The following ATRIP variants were observed in gnomAD, a reference collection of about 807,000 sequenced individuals.
The protein encoded by ATRIP is ATR interacting protein.
Under a neutral mutation model 78.1 loss-of-function variants are expected in ATRIP, and 44 were observed. The ratio of observed to expected loss-of-function variants is 0.56; its 90% confidence interval spans 0.44 to 0.72. The LOEUF is 0.72. ATRIP is among the 30% of genes least tolerant of loss of function. The probability of loss-of-function intolerance (pLI) is 0.00; values close to 1 mark genes in which losing one functional copy is unlikely to be tolerated. For missense variants in ATRIP, 927 were observed against 980.2 expected, an observed-to-expected ratio of 0.95 and a Z score of 0.72; for synonymous variants, 388 against 408.9, an observed-to-expected ratio of 0.95 and a Z score of 0.62.
At chr3:48,465,411 G>A (rs556531421) in intron 12 of ATRIP, 76 bp from the exon 13 acceptor site, 5 of 1,447,786 alleles carry the variant, frequency 3.5e-6, no homozygotes, top group African/African-American at 1.4e-5. Flanking sequence ...GCGGACGTTG[G>A]GGGAGGAGAG....
rs757659720 is a variant in ATRIP at position 48,464,660 on chromosome 3, G to C, written c.2053G>C (p.Glu685Gln). 6.2e-7 allele frequency: 1 copy of C among 1,614,182 alleles called. No homozygotes were observed. Among genetic ancestry groups the C allele is most frequent in the East Asian group, 2.2e-5 (1 of 44,884 alleles). The change falls in exon 11 of 13, where the codon GAG becomes CAG. Residue 685 changes from glutamate (E) to glutamine (Q), a missense_variant and splice_region_variant. Physicochemically the swap from Glu to Gln is conservative, Grantham distance 29. Coordinates refer to ENST00000320211, the MANE Select transcript of ATRIP (RefSeq NM_130384.3). The stretch of plus-strand genomic sequence containing the variant: ...TGGCTCCAACTGCCAGTGTAATGTG[G>C]AGGTGAGTGGGTAGGGGCCAACAGC... Reference protein sequence around the residue: ...VTGSNCQCNVEVVRALTVMLH... With the variant: ...VTGSNCQCNVQVVRALTVMLH...
chr3:48,465,060 T>TG lies in ATRIP; in HGVS notation c.2285_2286insG (p.Pro763SerfsTer2). The TG allele has an allele frequency of 6.2e-7, 1 of 1,612,146 alleles. No homozygotes were observed. Among genetic ancestry groups the TG allele is most frequent in the South Asian group, 1.1e-5 (1 of 91,046 alleles). On this transcript the variant is annotated frameshift_variant, in exon 12 of 13. Transcript: ENST00000320211. LOFTEE classifies it high-confidence loss of function. ...GGGGTCAGCATGCTCATCCGAGGGC[T>TG]TCCTGATGTGACGGACTGTGAAGGT...
chr3:48,455,235 T>C (rs1369752633), intron 4 of ATRIP, among the ~76,000 whole-genome samples: 1 of 152,192 alleles, frequency 6.6e-6, no homozygotes, highest in East Asian at 1.9e-4. Context: ...TTGTTCATAA[T>C]GGGCAGTGTG....
In ATRIP at chr3:48,459,389, C is replaced by T; in HGVS notation, c.860C>T (p.Ser287Phe). The change falls in exon 6 of 13, where the codon TCC becomes TTC. Residue 287 changes from serine (S) to phenylalanine (F), a missense_variant. By Grantham distance (155) the Ser-to-Phe change is radical. Transcript: ENST00000320211. ...DSKPHSLRGD[S>F]IKQEEAQKSF... ...AAGCCCCACAGTCTGAGAGGTGACT[C>T]CATAAAACAAGAAGAGGCCCAGAAA... is the stretch of plus-strand genomic sequence containing the variant. 6.2e-7 allele frequency: 1 copy of T among 1,614,058 alleles called. No homozygotes were observed. Among genetic ancestry groups the T allele is most frequent in the Non-Finnish European group, 8.5e-7 (1 of 1,179,998 alleles).
At chr3:48,448,300 C>T (rs1036181621) in intron 1 of ATRIP, among the ~76,000 whole-genome samples, 8 of 152,060 alleles carry the variant, frequency 5.3e-5, no homozygotes, top group South Asian at 2.1e-4. Flanking sequence ...TAGCCTCAGC[C>T]TCCCAAGTAG....
intron 2 of ATRIP, chr3:48,450,385 AC>A (rs1248233732): frequency 5.0e-6 from 5 of 1,004,404 alleles, no homozygotes; most frequent in Non-Finnish European, 5.7e-6. Flanking sequence ...AACACTGTAT[AC>A]CAGATCCAAA....
chr3:48,456,371 G>A (rs182370820), intron 4 of ATRIP, among the ~76,000 whole-genome samples: 222 of 152,070 alleles, frequency 1.5e-3, no homozygotes, highest in Non-Finnish European at 2.5e-3. Context: ...TTGAGCCCAC[G>A]AGTTCAGGAC....
Position 48,466,516 on chromosome 3 carries a change from G to A in ATRIP, c.*962G>A. Reference sequence around the variant, plus strand: ...ATGGGCCCTGGAGCTCGCAGACAGGGCAGGATTGTGCAGGGAAGGCCTGAG... The same window carrying A: ...ATGGGCCCTGGAGCTCGCAGACAGGACAGGATTGTGCAGGGAAGGCCTGAG... On this transcript the variant is annotated 3_prime_UTR_variant, in exon 13 of 13. Coordinates refer to ENST00000320211, the MANE Select transcript of ATRIP (RefSeq NM_130384.3). 1 of 1,613,914 alleles carries A rather than the reference G, an allele frequency of 6.2e-7. No homozygotes were observed. Among genetic ancestry groups the A allele is most frequent in the Non-Finnish European group, 8.5e-7 (1 of 1,179,968 alleles).
At position 48,464,900 on chromosome 3, in the gene ATRIP, A is replaced by G. The variant is rs1251083358; in HGVS notation, c.2125A>G (p.Arg709Gly). 1.2e-6 allele frequency: 2 copies of G among 1,614,078 alleles called. No homozygotes were observed. Reference sequence around the variant, plus strand: ...AGTGCGGAGGGCAGGGGGACCCCCAAGGACCGACCAGCAGAGGCGGACAGT... The same window carrying G: ...AGTGCGGAGGGCAGGGGGACCCCCAGGGACCGACCAGCAGAGGCGGACAGT... ...LTVRRAGGPP[R>G]TDQQRRTVRC... Residue 709 changes from arginine to glycine, a missense_variant, in exon 12 of 13, where the codon AGG becomes GGG. Transcript: ENST00000320211.
Position 48,467,356 on chromosome 3 carries a change from G to A in ATRIP, c.*1802G>A. ...TTCGGCACCATCAGGCCCATGTATG[G>A]GGTCACAGCCTCTGCTAGGACCAAG... is the stretch of plus-strand genomic sequence containing the variant. On this transcript the variant is annotated 3_prime_UTR_variant, in exon 13 of 13. Transcript: ENST00000320211. 6.2e-7 allele frequency: 1 copy of A among 1,614,184 alleles called. No individual in the cohort carries two copies. The highest frequency in any genetic ancestry group is 8.5e-7 in the Non-Finnish European group (1 of 1,180,036).
Position 48,465,773 on chromosome 3 carries a change from A to C in ATRIP, c.*219A>C. ...CCTGGCTGTTGCTGAGCCCGTCCCC[A>C]TGGTAACTGATCTGCCTTGAGGAAG... On this transcript the variant is annotated 3_prime_UTR_variant, in exon 13 of 13. Transcript: ENST00000320211. The C allele has an allele frequency of 1.9e-6, 1 of 525,264 alleles. No homozygotes were observed. The allele number at this position is 525,264 out of a possible 1,614,324, so 32.5% of individuals were successfully genotyped here.
Position 48,460,694 on chromosome 3 carries a change from C to T in ATRIP, c.1640C>T (p.Ala547Val), listed in dbSNP as rs1484441130. The stretch of plus-strand genomic sequence containing the variant: ...TTGAAGATGCTTCTTCACCTGTTGG[C>T]TTTCTCTTCTGCAGCAACAGGTCAC... ...PLLKMLLHLL[A>V]FSSAATGHLQ... Residue 547 changes from alanine (A) to valine (V), a missense_variant, in exon 8 of 13, where the codon GCT (alanine) becomes GTT (valine). Transcript: ENST00000320211. 1 of 1,614,116 alleles carries T rather than the reference C, an allele frequency of 6.2e-7. No individual in the cohort carries two copies. The highest frequency in any genetic ancestry group is 1.1e-5 in the South Asian group (1 of 91,086).
chr3:48,466,866 G>A lies in ATRIP; in HGVS notation c.*1312G>A. ...TGTGGTAGACAAGCTCTCCCTGTGT[G>A]TGGCTCCGGGGAAGGCCTGCAGCCC... On this transcript the variant is annotated 3_prime_UTR_variant, in exon 13 of 13. Coordinates refer to ENST00000320211, the MANE Select transcript of ATRIP (RefSeq NM_130384.3). 6.2e-7 allele frequency: 1 copy of A among 1,613,678 alleles called. No homozygotes were observed. Among genetic ancestry groups the A allele is most frequent in the Non-Finnish European group, 8.5e-7 (1 of 1,180,046 alleles).
chr3:48,465,794 G>C lies in ATRIP; in HGVS notation c.*240G>C, dbSNP rs1479844081. On this transcript the variant is annotated 3_prime_UTR_variant, in exon 13 of 13. Coordinates refer to ENST00000320211, the MANE Select transcript of ATRIP (RefSeq NM_130384.3). ...CCCCATGGTAACTGATCTGCCTTGA[G>C]GAAGGAGCCCTGCCCTGCCTGTGGA... is the stretch of plus-strand genomic sequence containing the variant. 2.0e-6 allele frequency: 1 copy of C among 488,120 alleles called. No individual in the cohort carries two copies. The highest frequency in any genetic ancestry group is 2.1e-5 in the South Asian group (1 of 48,702). 30.2% of individuals were successfully genotyped at this position (488,120 alleles called of 1,614,324 possible).
chr3:48,466,949 A>C lies in ATRIP; in HGVS notation c.*1395A>C. 1 of 1,612,006 alleles carries C rather than the reference A, an allele frequency of 6.2e-7. No individual in the cohort carries two copies. Among genetic ancestry groups the C allele is most frequent in the Middle Eastern group, 1.6e-4 (1 of 6,062 alleles). On this transcript the variant is annotated 3_prime_UTR_variant, in exon 13 of 13. Coordinates refer to ENST00000320211, the MANE Select transcript of ATRIP (RefSeq NM_130384.3). Reference sequence around the variant, plus strand: ...CTGTGCTGGCAGCGCATGGGCGTCAATGTTTTGATGACAACCTGGCCAACC... The same window carrying C: ...CTGTGCTGGCAGCGCATGGGCGTCACTGTTTTGATGACAACCTGGCCAACC...
At chr3:48,459,705 A>C in intron 6 of ATRIP, 82 bp from the exon 7 acceptor site, 1 of 1,557,344 alleles carries the variant, frequency 6.4e-7, no homozygotes, top group South Asian at 1.2e-5. Flanking sequence ...TGGCATCCAA[A>C]GAATCCTTAC....
chr3:48,456,774 C>CA (rs771012547), intron 4 of ATRIP, among the ~76,000 whole-genome samples: 35 of 148,586 alleles, frequency 2.4e-4, no homozygotes, highest in East Asian at 3.9e-4. Context: ...GACTCTGTCT[C>CA]AAAAAAAAAT....
chr3:48,448,062 C>T (rs1339517179), intron 1 of ATRIP, among the ~76,000 whole-genome samples: 1 of 152,148 alleles, frequency 6.6e-6, no homozygotes, highest in Non-Finnish European at 1.5e-5. Context: ...TTCCCATTTC[C>T]AGTCTTGACT....
intron 6 of ATRIP, 72 bp downstream of exon 6, chr3:48,459,526 C>G: frequency 6.9e-7 from 1 of 1,459,692 alleles, no homozygotes; most frequent in African/African-American, 1.4e-5. Flanking sequence ...TTGCCCAGGC[C>G]TCTGAGAACC....
Sources: allele counts gnomAD v4.1 joint callset (sites outside exome capture counted in the v4.1 genomes callset), GRCh38; gene constraint gnomAD v4.1.1; transcripts MANE v1.5; gene names NCBI Gene and HGNC (gene_info 2026-07-23, HGNC 2026-07-21).